MEF2C: variants seen among roughly 807,000 people sequenced by gnomAD.
The protein encoded by MEF2C is myocyte-specific enhancer factor 2C.
MEF2C carries 6 observed loss-of-function variants against 50.5 expected under a neutral mutation model. That is an observed-to-expected ratio of 0.12 (90% confidence interval 0.07 to 0.23). The LOEUF is 0.23. MEF2C is among the 10% of genes least tolerant of loss of function. MEF2C has a pLI of 1.00. For synonymous variants in MEF2C, 183 were observed against 228.0 expected, an observed-to-expected ratio of 0.80 and a Z score of 1.78; for missense variants, 276 against 605.0, an observed-to-expected ratio of 0.46 and a Z score of 5.70.
Position 88,874,191 on chromosome 5 carries a change from G to A in MEF2C, c.-143+8764C>T, listed in dbSNP as rs915268068. Among the ~76,000 whole-genome samples, 6 of 151,750 alleles carry A rather than the reference G, an allele frequency of 4.0e-5. No individual in the cohort carries two copies. The East Asian group carries it at 7.7e-4, about 20-fold the overall frequency. On this transcript the variant is annotated intron_variant, in intron 1 of 10. Transcript: ENST00000504921. Reference sequence around the variant, plus strand: ...CTCTAATAGAGTCAACGTTTTAATCGGGTATAGTTTTATCATACTTAAATG... The same window carrying A: ...CTCTAATAGAGTCAACGTTTTAATCAGGTATAGTTTTATCATACTTAAATG...
At chr5:88,817,873 G>A (rs1348421539) in intron 2 of MEF2C, 1 of 151,892 alleles carries the variant, frequency 6.6e-6, no homozygotes, top group Admixed American at 6.6e-5. Flanking sequence ...ATAGGTTTAG[G>A]CTAAGCATGC....
intron 1 of MEF2C, among the ~76,000 whole-genome samples, chr5:88,892,892 A>AT (rs1375027015): frequency 6.6e-6 from 1 of 152,186 alleles, no homozygotes; most frequent in Non-Finnish European, 1.5e-5. Flanking sequence ...ATGGCCGTCT[A>AT]TGGCAACTGG....
intron 2 of MEF2C, 34 bp downstream of exon 2, chr5:88,823,701 A>G (rs1465202273): frequency 9.8e-6 from 15 of 1,535,246 alleles, no homozygotes; most frequent in African/African-American, 1.4e-5. Flanking sequence ...TATAATTAAT[A>G]AATAATGATA....
chr5:88,719,930 C>T lies in MEF2C; in HGVS notation c.*2674G>A, dbSNP rs1285673264. ...TAAATAGCCAAGGCTTCTGCTGGTA[C>T]TTTAGCTTACTTTATCTTCAGCATT... On this transcript the variant is annotated 3_prime_UTR_variant, in exon 11 of 11. Transcript: ENST00000504921. The T allele has an allele frequency of 1.3e-5, 2 of 152,136 alleles. No homozygotes were observed. The highest frequency in any genetic ancestry group is 2.9e-5 in the Non-Finnish European group (2 of 68,000). The allele number at this position is 152,136 out of a possible 1,614,324, so 9.4% of individuals were successfully genotyped here.
chr5:88,785,883 C>T (rs1038782905), intron 3 of MEF2C, among the ~76,000 whole-genome samples: 6 of 151,962 alleles, frequency 3.9e-5, no homozygotes, highest in Admixed American at 3.9e-4. Context: ...TTATTGGCAC[C>T]TAGAAGTCTG....
At chr5:88,824,674 T>C (rs1300438788) in intron 1 of MEF2C, among the ~76,000 whole-genome samples, 1 of 151,910 alleles carries the variant, frequency 6.6e-6, no homozygotes, top group Non-Finnish European at 1.5e-5. Flanking sequence ...CTTCAATTTA[T>C]AACCATATTT....
At chr5:88,834,732 A>G (rs995680866) in intron 1 of MEF2C, among the ~76,000 whole-genome samples, 2 of 151,892 alleles carry the variant, frequency 1.3e-5, no homozygotes, top group African/African-American at 4.8e-5. Context: ...GAGGATGAAT[A>G]CTCCGTCACT....
chr5:88,812,301 T>C (rs1027064659), intron 2 of MEF2C, among the ~76,000 whole-genome samples: 1 of 152,132 alleles, frequency 6.6e-6, no homozygotes, highest in South Asian at 2.1e-4. Flanking sequence ...ATAGAATGAA[T>C]AGATATATGG....
intron 1 of MEF2C, among the ~76,000 whole-genome samples, chr5:88,893,970 T>C (rs796093085): frequency 8.5e-5 from 13 of 152,312 alleles, no homozygotes; most frequent in African/African-American, 3.1e-4. Flanking sequence ...AGTTAAATCT[T>C]TTAAATCAGT....
At chr5:88,882,522 T>G (rs991960495) in intron 1 of MEF2C, among the ~76,000 whole-genome samples, 6 of 152,166 alleles carry the variant, frequency 3.9e-5, no homozygotes, top group Non-Finnish European at 8.8e-5. Flanking sequence ...GGCAAATCAG[T>G]GTCTTTGGGG....
intron 1 of MEF2C, among the ~76,000 whole-genome samples, chr5:88,826,476 C>T (rs1039907914): frequency 6.6e-6 from 1 of 151,908 alleles, no homozygotes; most frequent in Non-Finnish European, 1.5e-5. Context: ...TAAAGTCTAT[C>T]ATGAAACGTG....
At chr5:88,846,366 C>A (rs1014837804) in intron 1 of MEF2C, among the ~76,000 whole-genome samples, 2 of 152,140 alleles carry the variant, frequency 1.3e-5, no homozygotes, top group African/African-American at 2.4e-5. Context: ...CCATGCCTGG[C>A]CTACTTCAAC....
Position 88,799,870 on chromosome 5 carries a change from T to TCATACACACACA in MEF2C, c.258+4727_258+4728insTGTGTGTGTATG, listed in dbSNP as rs70996496. Among the ~76,000 whole-genome samples, 469 of 107,498 alleles carry TCATACACACACA rather than the reference T, an allele frequency of 4.4e-3. 1 individual carries two copies. Among genetic ancestry groups the TCATACACACACA allele is most frequent in the African/African-American group, 0.014 (423 of 31,204 alleles). The allele number at this position is 107,498 out of a possible 152,430, so 70.5% of individuals were successfully genotyped here. ...TTCCTTCTCTCTCTCTCTCTCTCTC[T>TCATACACACACA]CACACACACACACACACACACACAC... On this transcript the variant is annotated intron_variant, in intron 3 of 10. Transcript: ENST00000504921.
chr5:88,846,077 T>C (rs2153359515), intron 1 of MEF2C, among the ~76,000 whole-genome samples: 1 of 151,906 alleles, frequency 6.6e-6, no homozygotes, highest in East Asian at 1.9e-4. Context: ...AGTCTTTTTT[T>C]TTTTTTTTGA....
At chr5:88,740,472 C>T (rs1766121896) in intron 6 of MEF2C, 1 of 984,248 alleles carries the variant, frequency 1.0e-6, no homozygotes, top group African/African-American at 1.7e-5. Flanking sequence ...GCATCACCAT[C>T]CCAGCTTTTG....
At chr5:88,875,068 A>G (rs892221714) in intron 1 of MEF2C, among the ~76,000 whole-genome samples, 2 of 151,992 alleles carry the variant, frequency 1.3e-5, no homozygotes, top group Non-Finnish European at 2.9e-5. Flanking sequence ...AACAGTTGAA[A>G]ATGTAACTGG....
In MEF2C at chr5:88,843,224, A is replaced by C; in HGVS notation, c.-142-19294T>G. ...ATTTTGCTTGCTTTTTTTTTTTTTT[A>C]ATTCTATGGTAAAAAAAAAAGCATT... On this transcript the variant is annotated intron_variant, in intron 1 of 10. Transcript: ENST00000504921. 6.2e-6 allele frequency: 3 copies of C among 484,842 alleles called. No homozygotes were observed. In the South Asian group the frequency reaches 2.7e-4, roughly 44 times the overall value. The allele number at this position is 484,842 out of a possible 1,614,324, so 30.0% of individuals were successfully genotyped here. A position where few individuals can be genotyped will look rare whatever the true frequency, so the allele number is the denominator to read the frequency against.
chr5:88,801,725 A>G (rs1441621079), intron 3 of MEF2C, among the ~76,000 whole-genome samples: 1 of 152,046 alleles, frequency 6.6e-6, no homozygotes, highest in East Asian at 1.9e-4. Flanking sequence ...TGACCTCATG[A>G]TGCGCCTGCC....
At chr5:88,795,371 G>C (rs1424062419) in intron 3 of MEF2C, among the ~76,000 whole-genome samples, 1 of 152,118 alleles carries the variant, frequency 6.6e-6, no homozygotes, top group Non-Finnish European at 1.5e-5. Context: ...TCTCTTGTAA[G>C]TTGTAATCCT....
Sources: gnomAD v4.1 joint callset for allele counts (sites outside exome capture counted in the v4.1 genomes callset) on GRCh38, gnomAD v4.1.1 for gene constraint, MANE v1.5 for transcripts, NCBI Gene and HGNC (gene_info 2026-07-23, HGNC 2026-07-21) for gene names.